Variants in SLC24A2 observed in about 807,000 individuals in gnomAD.
SLC24A2 encodes solute carrier family 24 member 2.
SLC24A2 carries 36 observed loss-of-function variants against 62.0 expected under a neutral mutation model. The observed-to-expected ratio is 0.58, with a 90% CI of 0.44 to 0.77. The LOEUF (loss-of-function observed/expected upper bound fraction) is 0.77. Ranked by LOEUF, SLC24A2 falls within the 30% of genes least tolerant of loss-of-function variation. SLC24A2 has a pLI of 0.00. For synonymous variants in SLC24A2, 358 were observed against 294.0 expected (o/e 1.22, Z -2.23); for missense variants, 846 against 817.9 (o/e 1.03, Z -0.42).
the SLC24A2 span, among the ~76,000 whole-genome samples, chr9:20,173,602 TA>T: frequency 2.0e-5 from 3 of 151,498 alleles, no homozygotes; most frequent in Non-Finnish European, 4.4e-5. Context: ...AATTAAAAAT[TA>T]AAAATCAAAA....
At chr9:19,525,701 G>C (rs953582119) in intron 9 of SLC24A2, among the ~76,000 whole-genome samples, 41 of 149,864 alleles carry the variant, frequency 2.7e-4, no homozygotes, top group African/African-American at 8.8e-4. Flanking sequence ...ACTGCAACCA[G>C]CCTGCAAGTT....
chr9:19,821,454 G>C, the SLC24A2 span, among the ~76,000 whole-genome samples: 1 of 152,084 alleles, frequency 6.6e-6, no homozygotes, highest in Non-Finnish European at 1.5e-5. Flanking sequence ...TATTAAGAAT[G>C]TGATATCCCT....
chr9:19,720,700 C>CCCCA (rs561789600), intron 2 of SLC24A2, among the ~76,000 whole-genome samples: 1 of 137,234 alleles, frequency 7.3e-6, no homozygotes, highest in African/African-American at 2.7e-5. Context: ...CCCCCCCCCC[C>CCCCA]AAAAAAAATC....
chr9:19,619,016 C>A (rs1447405445), intron 4 of SLC24A2, among the ~76,000 whole-genome samples: 1 of 152,154 alleles, frequency 6.6e-6, no homozygotes, highest in Admixed American at 6.5e-5. Flanking sequence ...GTGAGCCAGG[C>A]TTTTTGGGTC....
the SLC24A2 span, among the ~76,000 whole-genome samples, chr9:19,995,954 G>C: frequency 2.6e-5 from 4 of 152,210 alleles, no homozygotes; most frequent in Non-Finnish European, 4.4e-5. Flanking sequence ...AGGTAGACTG[G>C]ATTCTTTGGG....
In SLC24A2 at chr9:19,599,099, A is replaced by G. The variant is rs58751369; in HGVS notation, c.1079-1820T>C. 0.014 allele frequency among the ~76,000 whole-genome samples: 2,130 copies of G among 152,344 alleles called. 52 individuals carry two copies. The highest frequency in any genetic ancestry group is 0.049 in the African/African-American group (2,051 of 41,574). On this transcript the variant is annotated intron_variant, in intron 4 of 10. Coordinates refer to ENST00000341998, the MANE Select transcript of SLC24A2 (RefSeq NM_020344.4). This position sits in a 1 kb window ranked among gnomAD's most constrained non-coding sequence, Gnocchi z 4.5. ...CCTCTGTATGCACACACTTATTTTC[A>G]CATATCAATCCCAACTTTCAAATAT... is the stretch of plus-strand genomic sequence containing the variant.
intron 2 of SLC24A2, among the ~76,000 whole-genome samples, chr9:19,735,303 C>T (rs200787892): frequency 5.6e-4 from 85 of 152,118 alleles, no homozygotes; most frequent in East Asian, 2.3e-3. Context: ...AAAACCACAA[C>T]GAGATACCAT....
At chr9:19,884,969 T>G in the SLC24A2 span, among the ~76,000 whole-genome samples, 1 of 152,186 alleles carries the variant, frequency 6.6e-6, no homozygotes, top group African/African-American at 2.4e-5. Context: ...GAGGAGCATC[T>G]GTATTCTTAC....
the SLC24A2 span, among the ~76,000 whole-genome samples, chr9:20,238,932 C>A: frequency 2.0e-5 from 3 of 152,208 alleles, no homozygotes; most frequent in Non-Finnish European, 2.9e-5. Flanking sequence ...CTTCCTCCCT[C>A]CTAGTGACCT....
the SLC24A2 span, among the ~76,000 whole-genome samples, chr9:20,242,034 T>C: frequency 5.3e-5 from 8 of 152,192 alleles, no homozygotes; most frequent in African/African-American, 1.9e-4. Context: ...GCATCTCCTG[T>C]TTTGATCATC....
At chr9:19,801,852 T>G in the SLC24A2 span, among the ~76,000 whole-genome samples, 6,135 of 152,236 alleles carry the variant, frequency 0.04, 435 homozygotes, top group African/African-American at 0.14. Context: ...TTTTCTTAAA[T>G]ACTTCAGGTT....
At chr9:20,269,170 G>A in the SLC24A2 span, among the ~76,000 whole-genome samples, 1 of 152,222 alleles carries the variant, frequency 6.6e-6, no homozygotes, top group Non-Finnish European at 1.5e-5. Context: ...GCAGGAGGGG[G>A]TCTTAGCCGT....
chr9:20,021,904 C>G, the SLC24A2 span, among the ~76,000 whole-genome samples: 211 of 152,298 alleles, frequency 1.4e-3, 2 homozygotes, highest in African/African-American at 4.6e-3. Context: ...TCTGCTGACT[C>G]TGCCTCTGTT....
chr9:19,610,968 G>A (rs1587033680), intron 4 of SLC24A2, among the ~76,000 whole-genome samples: 1 of 152,344 alleles, frequency 6.6e-6, no homozygotes, highest in East Asian at 1.9e-4. Flanking sequence ...GTAGAGACAG[G>A]CAGCATACAA....
chr9:20,135,934 G>A, the SLC24A2 span, among the ~76,000 whole-genome samples: 2 of 152,026 alleles, frequency 1.3e-5, no homozygotes, highest in African/African-American at 2.4e-5. Context: ...TCAGCAGCAC[G>A]ACTTAGCCAC....
chr9:19,703,779 A>G (rs979966981), intron 2 of SLC24A2, among the ~76,000 whole-genome samples: 1 of 152,202 alleles, frequency 6.6e-6, no homozygotes, highest in African/African-American at 2.4e-5. Flanking sequence ...TATGACAGGA[A>G]GTACTATGGC....
rs1249259313 is a variant in SLC24A2 at position 19,599,971 on chromosome 9, T to A, written c.1079-2692A>T. On this transcript the variant is annotated intron_variant, in intron 4 of 10. Transcript: ENST00000341998. This position sits in a 1 kb window ranked among gnomAD's most constrained non-coding sequence, Gnocchi z 4.5. Reference sequence around the variant, plus strand: ...AAACTGGGGCTAATCCAAGGTTAGTTTTTTTGGGGATAGGAGGAAAGAAGT... The same window carrying A: ...AAACTGGGGCTAATCCAAGGTTAGTATTTTTGGGGATAGGAGGAAAGAAGT... Among the ~76,000 whole-genome samples, 1 of 152,162 alleles carries A rather than the reference T, an allele frequency of 6.6e-6. No individual in the cohort carries two copies. Among genetic ancestry groups the A allele is most frequent in the Non-Finnish European group, 1.5e-5 (1 of 68,034 alleles).
At chr9:20,046,297 G>A in the SLC24A2 span, among the ~76,000 whole-genome samples, 1 of 152,286 alleles carries the variant, frequency 6.6e-6, no homozygotes, top group South Asian at 2.1e-4. Context: ...AGTAAGTAAG[G>A]AAAGAAAAAG....
At chr9:19,935,907 G>A in the SLC24A2 span, among the ~76,000 whole-genome samples, 1 of 152,274 alleles carries the variant, frequency 6.6e-6, no homozygotes, top group Admixed American at 6.5e-5. Context: ...AACAGGAGAC[G>A]AGGAGAAAAA....
Sources: gnomAD v4.1 joint callset for allele counts (sites outside exome capture counted in the v4.1 genomes callset) on GRCh38, gnomAD v4.1.1 for gene constraint, Gnocchi (gnomAD v3.1) non-coding constraint, MANE v1.5 for transcripts, NCBI Gene and HGNC (gene_info 2026-07-23, HGNC 2026-07-21) for gene names.